Variants in COX7B2 observed in about 807,000 individuals in gnomAD.
COX7B2 encodes cytochrome c oxidase subunit 7B2, mitochondrial.
For synonymous variants in COX7B2, 37 were observed against 32.1 expected (o/e 1.15, Z -0.51); for missense variants, 109 against 95.9 (o/e 1.14, Z -0.57).
chr4:46,824,323 A>G lies in COX7B2; in HGVS notation c.-50+20637T>C, dbSNP rs1714520646. On this transcript the variant is annotated intron_variant, in intron 2 of 2. Transcript: ENST00000355591. ...TCTTGCTCAACTCATACTATGAGGC[A>G]AGCATCATCTTCATACCAAAATCTG... 3.9e-5 allele frequency among the ~76,000 whole-genome samples: 6 copies of G among 152,146 alleles called. No individual in the cohort carries two copies. The South Asian group carries it at 1.2e-3, about 32-fold the overall frequency.
chr4:46,763,068 A>T (rs1436454630), intron 2 of COX7B2, among the ~76,000 whole-genome samples: 2 of 133,112 alleles, frequency 1.5e-5, no homozygotes, highest in Non-Finnish European at 3.1e-5. Context: ...AATATATATT[A>T]TATAATATAT....
intron 1 of COX7B2, among the ~76,000 whole-genome samples, chr4:46,905,822 T>C: frequency 8.9e-6 from 1 of 112,290 alleles, no homozygotes; most frequent in Admixed American, 8.4e-5. Flanking sequence ...TTCTTTTTTT[T>C]TTTTTTTTTT....
At chr4:46,898,705 G>A (rs915052027) in intron 1 of COX7B2, among the ~76,000 whole-genome samples, 2 of 152,070 alleles carry the variant, frequency 1.3e-5, no homozygotes, top group Non-Finnish European at 2.9e-5. Flanking sequence ...GATTACAAGC[G>A]TGAGCCACCG....
At chr4:46,824,327 A>G (rs75266011) in intron 2 of COX7B2, among the ~76,000 whole-genome samples, 18 of 152,144 alleles carry the variant, frequency 1.2e-4, no homozygotes, top group African/African-American at 4.1e-4. Context: ...TGAGGCAAGC[A>G]TCATCTTCAT....
At chr4:46,843,287 A>C (rs1577645798) in intron 2 of COX7B2, among the ~76,000 whole-genome samples, 1 of 152,192 alleles carries the variant, frequency 6.6e-6, no homozygotes, top group African/African-American at 2.4e-5. Flanking sequence ...CTTGTGAAAA[A>C]TAAGGGGTGT....
chr4:46,842,475 T>C (rs1445422075), intron 2 of COX7B2, among the ~76,000 whole-genome samples: 2 of 152,084 alleles, frequency 1.3e-5, no homozygotes, highest in African/African-American at 4.8e-5. Flanking sequence ...TATGTATACA[T>C]GTGCCATGCT....
At chr4:46,886,508 T>C (rs1205242936) in intron 1 of COX7B2, among the ~76,000 whole-genome samples, 1 of 152,172 alleles carries the variant, frequency 6.6e-6, no homozygotes, top group Non-Finnish European at 1.5e-5. Context: ...CTATCCAGCG[T>C]ATTTTCATAC....
chr4:46,860,016 C>T (rs895464467), intron 1 of COX7B2, among the ~76,000 whole-genome samples: 4 of 152,128 alleles, frequency 2.6e-5, no homozygotes, highest in African/African-American at 4.8e-5. Flanking sequence ...GAATTATTTC[C>T]TGAGTGAAGC....
chr4:46,845,504 T>A (rs1357677739), intron 1 of COX7B2, among the ~76,000 whole-genome samples: 2 of 152,122 alleles, frequency 1.3e-5, no homozygotes, highest in African/African-American at 4.8e-5. Flanking sequence ...TTGAAAGGAA[T>A]ATATTTTTCA....
At chr4:46,848,745 A>G (rs1346970129) in intron 1 of COX7B2, among the ~76,000 whole-genome samples, 1 of 151,988 alleles carries the variant, frequency 6.6e-6, no homozygotes, top group Non-Finnish European at 1.5e-5. Flanking sequence ...GTATATGTTT[A>G]CATACATAAT....
chr4:46,862,275 G>A (rs955878502), intron 1 of COX7B2, among the ~76,000 whole-genome samples: 3 of 152,190 alleles, frequency 2.0e-5, no homozygotes, highest in Non-Finnish European at 4.4e-5. Context: ...CAGGGAAAAC[G>A]AAGTTTAGCC....
chr4:46,774,412 T>G (rs1311691577), intron 2 of COX7B2, among the ~76,000 whole-genome samples: 1 of 151,892 alleles, frequency 6.6e-6, no homozygotes, highest in Non-Finnish European at 1.5e-5. Context: ...TGCTTTAGTT[T>G]TATTAATTTT....
intron 2 of COX7B2, among the ~76,000 whole-genome samples, chr4:46,842,360 T>C (rs1715983917): frequency 6.6e-6 from 1 of 151,990 alleles, no homozygotes; most frequent in Admixed American, 6.6e-5. Context: ...TAAGCATGAT[T>C]AAATTAAATG....
intron 2 of COX7B2, among the ~76,000 whole-genome samples, chr4:46,743,060 G>C (rs1322168670): frequency 6.6e-6 from 1 of 152,128 alleles, no homozygotes; most frequent in African/African-American, 2.4e-5. Context: ...ATGAGTAAGA[G>C]ATAACAAAAC....
chr4:46,782,168 T>C (rs1717498010), intron 2 of COX7B2, among the ~76,000 whole-genome samples: 1 of 152,150 alleles, frequency 6.6e-6, no homozygotes, highest in South Asian at 2.1e-4. Context: ...GCTGGAGGAT[T>C]GTATATGCAT....
At position 46,786,901 on chromosome 4, in the gene COX7B2, G is replaced by A. The variant is rs548776615; in HGVS notation, c.-49-51660C>T. 5.3e-5 allele frequency among the ~76,000 whole-genome samples: 8 copies of A among 152,268 alleles called. No homozygotes were observed. In the East Asian group the frequency reaches 1.5e-3, roughly 29 times the overall value. On this transcript the variant is annotated intron_variant, in intron 2 of 2. Transcript: ENST00000355591. ...GTATATCTAAGAAGTTTGAATCTGG[G>A]CAAAGAACCCACCCTCCACACGTGG...
chr4:46,769,083 G>A (rs963967708), intron 2 of COX7B2, among the ~76,000 whole-genome samples: 34 of 151,792 alleles, frequency 2.2e-4, no homozygotes, highest in Admixed American at 7.2e-4. Context: ...TCACTTTACT[G>A]GTAAATTCTA....
chr4:46,745,416 G>A (rs1308720582), intron 2 of COX7B2, among the ~76,000 whole-genome samples: 1 of 152,194 alleles, frequency 6.6e-6, no homozygotes, highest in African/African-American at 2.4e-5. Context: ...ATCATTGAAA[G>A]CTGTTTTACT....
intron 2 of COX7B2, among the ~76,000 whole-genome samples, chr4:46,755,238 C>G (rs535591048): frequency 6.6e-6 from 1 of 151,962 alleles, no homozygotes; most frequent in African/African-American, 2.4e-5. Context: ...AATTCAGCAT[C>G]GCTTCATGAT....
Sources: allele counts gnomAD v4.1 joint callset (sites outside exome capture counted in the v4.1 genomes callset), GRCh38; gene constraint gnomAD v4.1.1; transcripts MANE v1.5; gene names NCBI Gene and HGNC (gene_info 2026-07-23, HGNC 2026-07-21).